The following ITPR2 variants were observed in gnomAD, a reference collection of about 807,000 sequenced individuals.
ITPR2 encodes inositol 1,4,5-trisphosphate receptor type 2, also known as inositol 1,4,5-trisphosphate-gated calcium channel ITPR2.
A neutral mutation model predicts 317.1 loss-of-function variants in ITPR2; 207 were observed. That is an observed-to-expected ratio of 0.65 (90% CI 0.58 to 0.73). The LOEUF (loss-of-function observed/expected upper bound fraction) is 0.73. Among genes scored for constraint, ITPR2 ranks in the 30% least tolerant of loss-of-function variants. The pLI is 0.00. For missense variants in ITPR2, 2,613 were observed against 3,284.0 expected (o/e 0.80, Z 4.99); for synonymous variants, 1,156 against 1,149.1 (o/e 1.01, Z -0.12).
Position 26,724,707 on chromosome 12 carries a change from C to T in ITPR2, c.315G>A (p.Ser105=), listed in dbSNP as rs761545645. 36 of 1,606,362 alleles carry T rather than the reference C, an allele frequency of 2.2e-5. No individual in the cohort carries two copies. Among genetic ancestry groups the T allele is most frequent in the South Asian group, 3.3e-5 (3 of 90,720 alleles). ...AAELEQKQNE[S]ENKKLLGEIV... ...TTTCTCCCAACAGTTTCTTATTCTC[C>T]GATTCATTTTGTTTTTGTTCCAGTT... Residue 105 remains serine, a synonymous_variant, in exon 4 of 57, where the codon TCG becomes TCA. Transcript: ENST00000381340.
chr12:26,420,877 A>T (rs562572697), intron 49 of ITPR2, among the ~76,000 whole-genome samples: 1 of 152,256 alleles, frequency 6.6e-6, no homozygotes, highest in East Asian at 1.9e-4. Context: ...CATATTCAGT[A>T]ATTATTTAAA....
rs759691050 is a variant in ITPR2, at chr12:26,622,420, A to G, written c.3123-15T>C. The G allele has an allele frequency of 5.7e-5, 90 of 1,585,540 alleles. No homozygotes were observed. The Admixed American group carries it at 1.5e-3, about 27-fold the overall frequency. On this transcript the variant is annotated splice_polypyrimidine_tract_variant and intron_variant, in intron 24 of 56. Transcript: ENST00000381340. ...TTTTTTCTTTTCTATAAAACCAAAAACATTTCTAAAGTGACTCCTATTTAT... is the reference window on the plus strand; with the variant it reads ...TTTTTTCTTTTCTATAAAACCAAAAGCATTTCTAAAGTGACTCCTATTTAT...
At chr12:26,652,173 C>T (rs1947271441) in intron 21 of ITPR2, among the ~76,000 whole-genome samples, 2 of 152,176 alleles carry the variant, frequency 1.3e-5, no homozygotes, top group Non-Finnish European at 2.9e-5. Context: ...CCAAAAACCA[C>T]TCACCATCCT....
At chr12:26,752,025 AT>A (rs1949432679) in intron 2 of ITPR2, among the ~76,000 whole-genome samples, 1 of 152,136 alleles carries the variant, frequency 6.6e-6, no homozygotes, top group Non-Finnish European at 1.5e-5. Context: ...TTAACAATTA[AT>A]TTTCATGGGT....
chr12:26,797,251 T>C (rs916091121), intron 1 of ITPR2, among the ~76,000 whole-genome samples: 2 of 152,216 alleles, frequency 1.3e-5, no homozygotes, highest in Non-Finnish European at 2.9e-5. Flanking sequence ...ATTTTAGGAA[T>C]ACACATGGGG....
rs73292132 is a variant in ITPR2 at position 26,601,976 on chromosome 12, T to C, written c.3678+394A>G. On this transcript the variant is annotated intron_variant, in intron 28 of 56. Coordinates refer to ENST00000381340, the MANE Select transcript of ITPR2 (RefSeq NM_002223.4). ...CCACATTAAAGGACATCCTTCAAAA[T>C]AACTGGTTATTTTCAAGAGTGTCAA... 7.8e-3 allele frequency among the ~76,000 whole-genome samples: 1,181 copies of C among 152,322 alleles called. 18 individuals carry two copies. The highest frequency in any genetic ancestry group is 0.027 in the African/African-American group (1,106 of 41,568).
Position 26,686,640 on chromosome 12 carries a change from G to A in ITPR2, c.997-8C>T. Reference sequence around the variant, plus strand: ...TGGAGGGACTCCATCTCTCTGTTGAGGAAGTACAAGTTTATTTACTTTTAT... The same window carrying A: ...TGGAGGGACTCCATCTCTCTGTTGAAGAAGTACAAGTTTATTTACTTTTAT... On this transcript the variant is annotated splice_polypyrimidine_tract_variant and splice_region_variant and intron_variant, in intron 10 of 56. Coordinates refer to ENST00000381340, the MANE Select transcript of ITPR2 (RefSeq NM_002223.4). The A allele has an allele frequency of 6.3e-7, 1 of 1,599,190 alleles. No homozygotes were observed. Among genetic ancestry groups the A allele is most frequent in the Non-Finnish European group, 8.5e-7 (1 of 1,173,738 alleles).
chr12:26,523,445 C>T lies in ITPR2; in HGVS notation c.5073+26802G>A, dbSNP rs76039154. Among the ~76,000 whole-genome samples the T allele has an allele frequency of 5.5e-3, 838 of 152,184 alleles. 9 individuals carry two copies. Among genetic ancestry groups the T allele is most frequent in the African/African-American group, 0.019 (797 of 41,510 alleles). ...TTATCACTGTATCAATTTCTTTATT[C>T]TCACTCATAGATAATTGCATTGAAA... On this transcript the variant is annotated intron_variant, in intron 37 of 56. Coordinates refer to ENST00000381340, the MANE Select transcript of ITPR2 (RefSeq NM_002223.4).
intron 2 of ITPR2, among the ~76,000 whole-genome samples, chr12:26,747,847 C>G (rs951628807): frequency 1.3e-5 from 2 of 152,324 alleles, no homozygotes; most frequent in South Asian, 4.1e-4. Flanking sequence ...ATTTCATTAA[C>G]CTTTTTTCAT....
intron 9 of ITPR2, among the ~76,000 whole-genome samples, chr12:26,701,352 T>C (rs1462584496): frequency 6.6e-6 from 1 of 152,252 alleles, no homozygotes; most frequent in Non-Finnish European, 1.5e-5. Flanking sequence ...TTTTATTATA[T>C]ATAACACTGA....
chr12:26,492,939 AT>A (rs1942845519), intron 39 of ITPR2, among the ~76,000 whole-genome samples: 8 of 150,288 alleles, frequency 5.3e-5, no homozygotes, highest in Non-Finnish European at 1.2e-4. Flanking sequence ...ATATATATAT[AT>A]ATAAAAGCAT....
At chr12:26,664,600 A>G (rs1344729947) in intron 14 of ITPR2, among the ~76,000 whole-genome samples, 1 of 152,252 alleles carries the variant, frequency 6.6e-6, no homozygotes, top group Admixed American at 6.5e-5. Flanking sequence ...TTAATACATG[A>G]AAACAAAATA....
chr12:26,526,612 T>G (rs1306799254), intron 37 of ITPR2, among the ~76,000 whole-genome samples: 5 of 152,152 alleles, frequency 3.3e-5, no homozygotes, highest in African/African-American at 1.2e-4. Context: ...GATTTATCAT[T>G]TACAACTGTT....
chr12:26,497,733 C>T (rs556501519), intron 37 of ITPR2, among the ~76,000 whole-genome samples: 35 of 119,596 alleles, frequency 2.9e-4, no homozygotes, highest in Admixed American at 8.9e-4. Context: ...TTTTTTGAAA[C>T]GGAGTCTCAC....
At chr12:26,411,031 C>T (rs1301076279) in intron 52 of ITPR2, among the ~76,000 whole-genome samples, 3 of 152,200 alleles carry the variant, frequency 2.0e-5, no homozygotes, top group African/African-American at 7.2e-5. Flanking sequence ...AAGGGACTCA[C>T]TTAGTGTGGT....
At chr12:26,810,306 A>G (rs1391210719) in intron 1 of ITPR2, among the ~76,000 whole-genome samples, 1 of 152,022 alleles carries the variant, frequency 6.6e-6, no homozygotes, top group Non-Finnish European at 1.5e-5. Flanking sequence ...TTTTTTTCAT[A>G]GTGTCCTATA....
intron 1 of ITPR2, among the ~76,000 whole-genome samples, chr12:26,820,211 C>T (rs760268360): frequency 2.0e-5 from 3 of 152,146 alleles, no homozygotes; most frequent in Non-Finnish European, 4.4e-5. Flanking sequence ...ACCATAAACC[C>T]AGTGACAACT....
chr12:26,579,979 A>G (rs1945359868), intron 33 of ITPR2, 48 bp downstream of exon 33: 2 of 1,554,842 alleles, frequency 1.3e-6, no homozygotes, highest in East Asian at 4.5e-5. Context: ...TCCTACTCAA[A>G]TAAGAGAAAC....
At chr12:26,439,093 C>A (rs372628356) in intron 47 of ITPR2, 34 bp downstream of exon 47, 4 of 1,391,278 alleles carry the variant, frequency 2.9e-6, no homozygotes, top group Non-Finnish European at 4.0e-6. Flanking sequence ...TACCACTATG[C>A]ACAAAACTAA....
Sources: gnomAD v4.1 joint callset for allele counts (sites outside exome capture counted in the v4.1 genomes callset) on GRCh38, gnomAD v4.1.1 for gene constraint, MANE v1.5 for transcripts, NCBI Gene and HGNC (gene_info 2026-07-23, HGNC 2026-07-21) for gene names.